RBFOX1: variants seen among roughly 807,000 people sequenced by gnomAD.
RBFOX1 encodes the protein RNA binding fox-1 homolog 1.
In RBFOX1, 8 loss-of-function variants were observed where a neutral mutation model predicts 57.7. The ratio of observed to expected loss-of-function variants is 0.14; its 90% CI spans 0.08 to 0.25. The LOEUF (loss-of-function observed/expected upper bound fraction) is 0.25. RBFOX1 is among the 10% of genes least tolerant of loss of function. The probability of loss-of-function intolerance (pLI) is 1.00; values close to 1 mark genes in which losing one functional copy is unlikely to be tolerated. For missense variants in RBFOX1, 611 were observed against 548.5 expected (o/e 1.11, Z -1.14); for synonymous variants, 326 against 222.4 (o/e 1.47, Z -4.15).
At chr16:5,297,284 C>T (rs187738655) in intron 1 of RBFOX1, among the ~76,000 whole-genome samples, 1 of 152,322 alleles carries the variant, frequency 6.6e-6, no homozygotes, top group Non-Finnish European at 1.5e-5. Context: ...ACTGCTGGAT[C>T]ATATGGTAGT....
chr16:6,607,005 C>A (rs1467047591), intron 2 of RBFOX1, among the ~76,000 whole-genome samples: 1 of 152,166 alleles, frequency 6.6e-6, no homozygotes, highest in Non-Finnish European at 1.5e-5. Flanking sequence ...TTCTCCAGAG[C>A]CTTGTCAGCA....
chr16:6,584,934 G>A (rs1345008517), intron 2 of RBFOX1, among the ~76,000 whole-genome samples: 3 of 152,200 alleles, frequency 2.0e-5, no homozygotes, highest in South Asian at 2.1e-4. Flanking sequence ...TTGAAAACCA[G>A]TGACAACTTC....
At chr16:6,963,146 G>A (rs892726248) in intron 3 of RBFOX1, among the ~76,000 whole-genome samples, 3 of 152,120 alleles carry the variant, frequency 2.0e-5, no homozygotes, top group African/African-American at 7.2e-5. Flanking sequence ...TTGGGGTTCT[G>A]GCTGGTAGTT....
intron 4 of RBFOX1, among the ~76,000 whole-genome samples, chr16:7,387,648 G>T (rs781343403): frequency 6.6e-6 from 1 of 152,160 alleles, no homozygotes; most frequent in Non-Finnish European, 1.5e-5. Flanking sequence ...TGGAAGAAAG[G>T]TGAAACTGGA....
chr16:6,962,456 C>T (rs970155081), intron 3 of RBFOX1, among the ~76,000 whole-genome samples: 2 of 152,084 alleles, frequency 1.3e-5, no homozygotes, highest in Non-Finnish European at 1.5e-5. Flanking sequence ...ATGACATTTC[C>T]CCTGATAAAG....
intron 1 of RBFOX1, among the ~76,000 whole-genome samples, chr16:6,280,180 C>T (rs1163872389): frequency 6.6e-6 from 1 of 152,102 alleles, no homozygotes; most frequent in East Asian, 1.9e-4. Flanking sequence ...GAGGAAGCTA[C>T]AGGCAGTCTG....
chr16:6,085,430 G>A (rs936822365), intron 1 of RBFOX1, among the ~76,000 whole-genome samples: 10 of 151,988 alleles, frequency 6.6e-5, no homozygotes, highest in African/African-American at 2.4e-4. Context: ...GCGCCGCTAT[G>A]CCCAGCTAAT....
chr16:7,563,209 T>A, intron 5 of RBFOX1, among the ~76,000 whole-genome samples: 1 of 152,196 alleles, frequency 6.6e-6, no homozygotes, highest in Non-Finnish European at 1.5e-5. Flanking sequence ...AATGAAGTAT[T>A]AATCAGCCAC....
intron 3 of RBFOX1, among the ~76,000 whole-genome samples, chr16:6,722,893 C>A (rs553491439): frequency 6.6e-6 from 1 of 152,266 alleles, no homozygotes; most frequent in African/African-American, 2.4e-5. Flanking sequence ...GGTCTGGCCC[C>A]CCGTGGGGTA....
intron 3 of RBFOX1, among the ~76,000 whole-genome samples, chr16:6,738,714 C>A (rs1010394757): frequency 6.6e-6 from 1 of 152,094 alleles, no homozygotes; most frequent in African/African-American, 2.4e-5. Flanking sequence ...AGAGCATATA[C>A]CTTGAGAGAC....
intron 1 of RBFOX1, among the ~76,000 whole-genome samples, chr16:5,259,764 C>T (rs1477345774): frequency 6.6e-6 from 1 of 152,186 alleles, no homozygotes; most frequent in African/African-American, 2.4e-5. Context: ...GGTTATGGAT[C>T]AGCAGAGCTG....
chr16:7,109,874 A>G (rs1406059336), intron 4 of RBFOX1, among the ~76,000 whole-genome samples: 1 of 152,156 alleles, frequency 6.6e-6, no homozygotes, highest in South Asian at 2.1e-4. Flanking sequence ...ACTAGCATTC[A>G]CTGAACTTTT....
At chr16:6,790,107 C>T (rs1032161710) in intron 3 of RBFOX1, among the ~76,000 whole-genome samples, 3 of 148,858 alleles carry the variant, frequency 2.0e-5, no homozygotes, top group Admixed American at 1.3e-4. Context: ...ATTTTTCATG[C>T]TGTGAATTTT....
chr16:5,291,088 G>T (rs544511840), intron 1 of RBFOX1, among the ~76,000 whole-genome samples: 1 of 152,296 alleles, frequency 6.6e-6, no homozygotes, highest in East Asian at 1.9e-4. Flanking sequence ...AAAGAGAGGG[G>T]CTAGGTCATG....
At chr16:6,043,280 C>G (rs770567846) in intron 1 of RBFOX1, among the ~76,000 whole-genome samples, 25 of 151,922 alleles carry the variant, frequency 1.6e-4, no homozygotes, top group Admixed American at 7.2e-4. Context: ...GTGTCCGTCT[C>G]CCACCGAATC....
chr16:6,413,934 A>G (rs2093548029), intron 2 of RBFOX1, among the ~76,000 whole-genome samples: 1 of 152,172 alleles, frequency 6.6e-6, no homozygotes. Flanking sequence ...TAAAGGGTGA[A>G]TGCATGTTCT....
chr16:6,188,418 CAAAAA>C (rs57875210), intron 1 of RBFOX1, among the ~76,000 whole-genome samples: 21 of 124,130 alleles, frequency 1.7e-4, no homozygotes, highest in African/African-American at 4.3e-4. Context: ...TTGTTTTAGC[CAAAAA>C]AAAAAAAAAA....
At chr16:7,050,092 T>G (rs1419655374) in intron 3 of RBFOX1, among the ~76,000 whole-genome samples, 1 of 152,042 alleles carries the variant, frequency 6.6e-6, no homozygotes, top group Non-Finnish European at 1.5e-5. Flanking sequence ...TTTTAACAGT[T>G]TATGGAGACA....
intron 3 of RBFOX1, among the ~76,000 whole-genome samples, chr16:6,879,565 A>C (rs566997380): frequency 2.0e-5 from 3 of 152,356 alleles, no homozygotes; most frequent in Admixed American, 2.0e-4. Context: ...TAGATTCAAC[A>C]TAAGTTTCCA....
Sources: gnomAD v4.1 joint callset for allele counts (sites outside exome capture counted in the v4.1 genomes callset) on GRCh38, gnomAD v4.1.1 for gene constraint, MANE v1.5 for transcripts, NCBI Gene and HGNC (gene_info 2026-07-23, HGNC 2026-07-21) for gene names.